MALRD1: variants seen among roughly 807,000 people sequenced by gnomAD.
MALRD1 encodes MAM and LDL receptor class A domain containing 1, also known as MAM and LDL-receptor class A domain-containing protein 1.
Under a neutral mutation model 242.1 loss-of-function variants are expected in MALRD1, and 247 were observed. The observed-to-expected ratio is 1.02, with a 90% CI of 0.92 to 1.13. The LOEUF is 1.13. Among genes scored for constraint, MALRD1 ranks in the 50% most tolerant of loss-of-function variants. The pLI is 0.00. For missense variants in MALRD1, 2,989 were observed against 2,533.1 expected (o/e 1.18, Z -3.86); for synonymous variants, 995 against 866.6 (o/e 1.15, Z -2.60).
In MALRD1 at chr10:19,625,955, C is replaced by G. The variant is rs184907163; in HGVS notation, c.6137+10032C>G. 1.8e-3 allele frequency among the ~76,000 whole-genome samples: 275 copies of G among 152,012 alleles called. 2 individuals are homozygous for G. The South Asian group carries it at 0.022, about 12-fold the overall frequency. On this transcript the variant is annotated intron_variant, in intron 36 of 39. Transcript: ENST00000454679. ...TAACATAGTACTCAAGTGCTAAGGA[C>G]TAACAAAAATCCTCATAATAACACT...
intron 24 of MALRD1, among the ~76,000 whole-genome samples, 166 bp downstream of exon 24, chr10:19,331,748 A>G (rs1232963610): frequency 1.3e-5 from 2 of 152,186 alleles, no homozygotes; most frequent in African/African-American, 4.8e-5. Flanking sequence ...TAATTCATTT[A>G]TAATCATAAT....
chr10:19,482,647 A>G (rs537631797), intron 29 of MALRD1, among the ~76,000 whole-genome samples: 3 of 130,362 alleles, frequency 2.3e-5, no homozygotes, highest in East Asian at 2.3e-4. Flanking sequence ...CCCATTTACA[A>G]TAGCTACACA....
intron 18 of MALRD1, among the ~76,000 whole-genome samples, chr10:19,211,558 G>A (rs191739772): frequency 1.1e-4 from 16 of 151,616 alleles, no homozygotes; most frequent in Admixed American, 2.6e-4. Flanking sequence ...AGCCAGGCAC[G>A]CACCTGTAAT....
intron 34 of MALRD1, among the ~76,000 whole-genome samples, chr10:19,598,059 G>A (rs957347416): frequency 2.6e-5 from 4 of 152,122 alleles, no homozygotes; most frequent in African/African-American, 9.7e-5. Context: ...CTGCCACCAT[G>A]CCAGTGCTAT....
chr10:19,379,444 C>T (rs141928850), intron 26 of MALRD1, among the ~76,000 whole-genome samples: 12 of 152,170 alleles, frequency 7.9e-5, no homozygotes, highest in East Asian at 1.9e-4. Context: ...CTGTATGTTA[C>T]CTGAACTGCT....
chr10:19,722,980 C>G (rs1172746860), intron 38 of MALRD1, among the ~76,000 whole-genome samples: 3 of 152,074 alleles, frequency 2.0e-5, no homozygotes, highest in Non-Finnish European at 4.4e-5. Flanking sequence ...GTGTCCTAGA[C>G]ATGTTGGGTG....
At chr10:19,361,062 C>A (rs903219061) in intron 26 of MALRD1, among the ~76,000 whole-genome samples, 17 of 152,032 alleles carry the variant, frequency 1.1e-4, no homozygotes, top group Admixed American at 5.9e-4. Flanking sequence ...CTGCTATTTG[C>A]TCCTCAACAG....
At chr10:19,584,440 G>T (rs1484791216) in intron 33 of MALRD1, among the ~76,000 whole-genome samples, 1 of 151,946 alleles carries the variant, frequency 6.6e-6, no homozygotes, top group Non-Finnish European at 1.5e-5. Flanking sequence ...GTTCTCGTAG[G>T]TTTCAAAGAA....
At chr10:19,344,686 C>A (rs1844030567) in intron 24 of MALRD1, among the ~76,000 whole-genome samples, 1 of 147,244 alleles carries the variant, frequency 6.8e-6, no homozygotes. Context: ...AGTTATGGAA[C>A]TTTGATAAAA....
intron 5 of MALRD1, among the ~76,000 whole-genome samples, chr10:19,121,274 C>G (rs1837054534): frequency 6.6e-6 from 1 of 151,690 alleles, no homozygotes. Flanking sequence ...CTCCTGAACT[C>G]AAGTGATCCA....
intron 13 of MALRD1, among the ~76,000 whole-genome samples, chr10:19,172,003 CATATATGTGATATATAT>C (rs1835013706): frequency 3.1e-4 from 3 of 9,578 alleles, no homozygotes; most frequent in African/African-American, 1.3e-3. Context: ...GTATATATCA[CATATATGTGATATATAT>C]CATATATCAC....
At chr10:19,400,177 T>C (rs927090645) in intron 28 of MALRD1, among the ~76,000 whole-genome samples, 1 of 152,192 alleles carries the variant, frequency 6.6e-6, no homozygotes, top group Non-Finnish European at 1.5e-5. Context: ...AGCAACGGTA[T>C]GGCATGGATT....
chr10:19,203,947 G>T, intron 15 of MALRD1, 67 bp downstream of exon 15: 1 of 1,522,830 alleles, frequency 6.6e-7, no homozygotes, highest in Non-Finnish European at 8.9e-7. Flanking sequence ...AGAAGAGAAA[G>T]GAAAGCTAGT....
intron 36 of MALRD1, among the ~76,000 whole-genome samples, chr10:19,658,100 A>G (rs541601033): frequency 2.0e-5 from 3 of 152,106 alleles, no homozygotes; most frequent in Middle Eastern, 3.2e-3. Flanking sequence ...GTGAGCCGAG[A>G]TCATGCCATT....
chr10:19,395,965 G>A (rs1846558449), intron 28 of MALRD1, among the ~76,000 whole-genome samples: 1 of 151,912 alleles, frequency 6.6e-6, no homozygotes, highest in Non-Finnish European at 1.5e-5. Context: ...TTTATCCCAG[G>A]AGCCCAGGAG....
chr10:19,334,051 T>C (rs980735390), intron 24 of MALRD1, among the ~76,000 whole-genome samples: 6 of 151,840 alleles, frequency 4.0e-5, no homozygotes, highest in African/African-American at 9.7e-5. Flanking sequence ...TAGACCTTTG[T>C]TGTATGTATG....
chr10:19,307,675 T>G (rs1407697041), intron 21 of MALRD1, among the ~76,000 whole-genome samples: 2 of 151,502 alleles, frequency 1.3e-5, no homozygotes, highest in Non-Finnish European at 3.0e-5. Context: ...AGAGACATAG[T>G]TATCCTCCAT....
At chr10:19,269,352 CGCTCTCTT>C (rs778834996) in intron 19 of MALRD1, among the ~76,000 whole-genome samples, 2 of 152,250 alleles carry the variant, frequency 1.3e-5, no homozygotes, top group Non-Finnish European at 2.9e-5. Flanking sequence ...CGCGCTCTCT[CGCTCTCTT>C]GCTCTCTCTT....
rs141530059 is a variant in MALRD1, at chr10:19,086,878, G to T, written c.341-962G>T. Among the ~76,000 whole-genome samples the T allele has an allele frequency of 5.3e-3, 799 of 152,088 alleles. 12 individuals are homozygous for T. The highest frequency in any genetic ancestry group is 0.018 in the African/African-American group (749 of 41,514). ...GTCTCTTTGTCTTGCTTATCTGAGA[G>T]GGAGAGTTTTGTGTCTGTTCCCATA... On this transcript the variant is annotated intron_variant, in intron 2 of 39. Transcript: ENST00000454679.
Sources: gnomAD v4.1 joint callset for allele counts (sites outside exome capture counted in the v4.1 genomes callset) on GRCh38, gnomAD v4.1.1 for gene constraint, MANE v1.5 for transcripts, NCBI Gene and HGNC (gene_info 2026-07-23, HGNC 2026-07-21) for gene names.